SSBP2: variants seen among roughly 807,000 people sequenced by gnomAD.
SSBP2 encodes single-stranded DNA-binding protein 2.
A neutral mutation model predicts 61.8 loss-of-function variants in SSBP2; 17 were observed. That is an observed-to-expected ratio of 0.28 (90% confidence interval 0.19 to 0.41). The LOEUF is 0.41. Among genes scored for constraint, SSBP2 ranks in the 10% least tolerant of loss-of-function variants. SSBP2 has a pLI of 1.00. For synonymous variants in SSBP2, 139 were observed against 141.3 expected (o/e 0.98, Z 0.12); for missense variants, 310 against 458.7 (o/e 0.68, Z 2.96).
At chr5:81,649,382 C>A in intron 2 of SSBP2, among the ~76,000 whole-genome samples, 1 of 151,990 alleles carries the variant, frequency 6.6e-6, no homozygotes, top group East Asian at 1.9e-4. Flanking sequence ...ACCTAGGTGC[C>A]TATCAGTGGT....
chr5:81,441,601 G>A (rs13177962), intron 13 of SSBP2, among the ~76,000 whole-genome samples: 21,762 of 152,154 alleles, frequency 0.14, 1,983 homozygotes, highest in Non-Finnish European at 0.21. Context: ...CTTTTAGGAA[G>A]AAATAACTGC....
intron 3 of SSBP2, among the ~76,000 whole-genome samples, chr5:81,617,775 A>G (rs1746198084): frequency 1.1e-5 from 1 of 90,684 alleles, no homozygotes; most frequent in African/African-American, 4.3e-5. Flanking sequence ...CCTACAAGCC[A>G]GAAGAGAGTG....
chr5:81,533,056 C>T (rs550066314), intron 4 of SSBP2, among the ~76,000 whole-genome samples: 60 of 151,920 alleles, frequency 3.9e-4, no homozygotes, highest in African/African-American at 1.3e-3. Flanking sequence ...TTACAAAATA[C>T]TACACTCATA....
intron 4 of SSBP2, among the ~76,000 whole-genome samples, chr5:81,539,300 T>C (rs540544426): frequency 3.3e-5 from 5 of 152,320 alleles, no homozygotes; most frequent in Non-Finnish European, 1.5e-5. Flanking sequence ...ACTGAATTGC[T>C]GCCAATCTCA....
chr5:81,553,369 G>A (rs1329166022), intron 4 of SSBP2, among the ~76,000 whole-genome samples: 2 of 151,962 alleles, frequency 1.3e-5, no homozygotes, highest in African/African-American at 4.8e-5. Context: ...ATTTTATAAG[G>A]GAAATAGCAG....
intron 1 of SSBP2, among the ~76,000 whole-genome samples, chr5:81,665,702 A>G (rs1401299885): frequency 6.6e-6 from 1 of 152,100 alleles, no homozygotes; most frequent in African/African-American, 2.4e-5. Flanking sequence ...ACGGAGTTTT[A>G]CCATGTTGGC....
At chr5:81,676,100 G>A (rs529880033) in intron 1 of SSBP2, among the ~76,000 whole-genome samples, 9 of 152,260 alleles carry the variant, frequency 5.9e-5, no homozygotes, top group African/African-American at 1.9e-4. Context: ...TCGCTTCTCT[G>A]TTCTGCCTCT....
intron 4 of SSBP2, among the ~76,000 whole-genome samples, chr5:81,579,809 G>A (rs1215903507): frequency 6.6e-6 from 1 of 152,024 alleles, no homozygotes; most frequent in Non-Finnish European, 1.5e-5. Flanking sequence ...TTCCTGTCTG[G>A]ACCAGCTGCC....
intron 5 of SSBP2, among the ~76,000 whole-genome samples, chr5:81,496,502 G>A (rs6897189): frequency 0.44 from 66,225 of 152,018 alleles, 17,947 homozygotes; most frequent in African/African-American, 0.77. Context: ...ATGACTGTAA[G>A]AAATATATAA....
intron 9 of SSBP2, 49 bp from the exon 10 acceptor site, chr5:81,461,152 T>C: frequency 7.3e-7 from 1 of 1,361,928 alleles, no homozygotes; most frequent in East Asian, 2.5e-5. Flanking sequence ...TTTGAAGGTT[T>C]CACAATAATC....
chr5:81,610,902 G>A (rs1745375456), intron 4 of SSBP2, among the ~76,000 whole-genome samples: 1 of 152,206 alleles, frequency 6.6e-6, no homozygotes, highest in Non-Finnish European at 1.5e-5. Flanking sequence ...GCTAAGGCAG[G>A]AGAATCGGTT....
chr5:81,709,243 T>C (rs1029911820), intron 1 of SSBP2, among the ~76,000 whole-genome samples: 1 of 152,000 alleles, frequency 6.6e-6, no homozygotes. Context: ...ATTTCTAGAA[T>C]TTAAAAACTC....
chr5:81,599,423 CTA>C (rs1744120506), intron 4 of SSBP2, among the ~76,000 whole-genome samples: 1 of 152,144 alleles, frequency 6.6e-6, no homozygotes, highest in Non-Finnish European at 1.5e-5. Flanking sequence ...TAAACAAATA[CTA>C]TATGTTTTAT....
At chr5:81,438,214 G>C (rs1003688231) in intron 14 of SSBP2, among the ~76,000 whole-genome samples, 2 of 152,014 alleles carry the variant, frequency 1.3e-5, no homozygotes, top group African/African-American at 4.8e-5. Context: ...AGCCGGGCAT[G>C]GTGGCAGGCC....
chr5:81,510,070 T>C (rs1437435382), intron 5 of SSBP2, among the ~76,000 whole-genome samples: 4 of 152,226 alleles, frequency 2.6e-5, no homozygotes, highest in Admixed American at 1.3e-4. Flanking sequence ...CAGTTGTATA[T>C]TCTCTTACCC....
chr5:81,534,693 A>C (rs1770680042), intron 4 of SSBP2, among the ~76,000 whole-genome samples: 1 of 152,102 alleles, frequency 6.6e-6, no homozygotes, highest in South Asian at 2.1e-4. Flanking sequence ...AAGAAACACA[A>C]CAGAATATCC....
At position 81,742,440 on chromosome 5, in the gene SSBP2, T is replaced by A. The variant is rs200823275; in HGVS notation, c.62+8541A>T. ...TGTGACATATTTCCAATTCATTACA[T>A]CCTTAACTCATTTATTCCACAAATA... On this transcript the variant is annotated intron_variant, in intron 1 of 16. Coordinates refer to ENST00000320672, the MANE Select transcript of SSBP2 (RefSeq NM_012446.5). Among the ~76,000 whole-genome samples the A allele has an allele frequency of 1.6e-4, 24 of 152,342 alleles. No individual in the cohort carries two copies. In the East Asian group the frequency reaches 3.3e-3, roughly 21 times the overall value.
intron 4 of SSBP2, among the ~76,000 whole-genome samples, chr5:81,606,269 G>C (rs980908505): frequency 2.0e-5 from 3 of 152,134 alleles, no homozygotes; most frequent in African/African-American, 7.2e-5. Flanking sequence ...GAAAGACCCA[G>C]CAAGTGAAAA....
At chr5:81,459,090 T>C (rs1286504032) in intron 10 of SSBP2, among the ~76,000 whole-genome samples, 1 of 152,224 alleles carries the variant, frequency 6.6e-6, no homozygotes, top group East Asian at 1.9e-4. Flanking sequence ...TTCAGACTGG[T>C]GGACAGCAGT....
Sources: gnomAD v4.1 joint callset for allele counts (sites outside exome capture counted in the v4.1 genomes callset) on GRCh38, gnomAD v4.1.1 for gene constraint, MANE v1.5 for transcripts, NCBI Gene and HGNC (gene_info 2026-07-23, HGNC 2026-07-21) for gene names.